Variants in MAPK10 observed in about 807,000 individuals in gnomAD.
MAPK10 encodes the protein JNK3 alpha protein kinase.
Under a neutral mutation model 59.3 loss-of-function variants are expected in MAPK10, and 25 were observed. That is an observed-to-expected ratio of 0.42 (90% CI 0.31 to 0.59). The LOEUF (loss-of-function observed/expected upper bound fraction) is 0.59, where lower values mean the gene tolerates loss of function less well. MAPK10 is among the 20% of genes least tolerant of loss of function. The pLI, the probability that MAPK10 is intolerant of heterozygous loss-of-function variation, is 0.15. For synonymous variants in MAPK10, 190 were observed against 200.5 expected (o/e 0.95, Z 0.44); for missense variants, 351 against 568.9 (o/e 0.62, Z 3.90).
Position 86,216,826 on chromosome 4 carries a change from A to T in MAPK10, c.-6-22419T>A, listed in dbSNP as rs1206538312. 1.3e-5 allele frequency among the ~76,000 whole-genome samples: 2 copies of T among 152,102 alleles called. 1 individual carries two copies. Among genetic ancestry groups the T allele is most frequent in the Non-Finnish European group, 2.9e-5 (2 of 67,964 alleles). On this transcript the variant is annotated intron_variant, in intron 2 of 13. Transcript: ENST00000641462. ...ATCTTTTAAAACAAATATAGTTACA[A>T]ATATAGTTTTAGAAAATATAGATAG...
intron 2 of MAPK10, among the ~76,000 whole-genome samples, chr4:86,223,491 T>C (rs1309149217): frequency 1.3e-5 from 2 of 152,236 alleles, no homozygotes; most frequent in African/African-American, 4.8e-5. Flanking sequence ...TCACAGGGCC[T>C]GAGCCCTCAA....
At chr4:86,314,952 C>T (rs1305133555) in intron 2 of MAPK10, among the ~76,000 whole-genome samples, 16 of 152,038 alleles carry the variant, frequency 1.1e-4, no homozygotes, top group Admixed American at 5.2e-4. Context: ...TTATTTTTAA[C>T]CTATCCCTTA....
chr4:86,015,050 T>G lies in MAPK10; in HGVS notation c.*2178A>C, dbSNP rs919959045. Reference sequence around the variant, plus strand: ...AACAGGAATATGAAAGAGAGGGAGCTCAAGTGACTGAGGAGGCATTTTTAA... The same window carrying G: ...AACAGGAATATGAAAGAGAGGGAGCGCAAGTGACTGAGGAGGCATTTTTAA... On this transcript the variant is annotated 3_prime_UTR_variant, in exon 14 of 14. Coordinates refer to ENST00000641462, the MANE Select transcript of MAPK10 (RefSeq NM_138982.4). The G allele has an allele frequency of 1.4e-5, 2 of 146,784 alleles. No homozygotes were observed. Among genetic ancestry groups the G allele is most frequent in the Non-Finnish European group, 3.0e-5 (2 of 67,100 alleles). 9.1% of individuals were successfully genotyped at this position (146,784 alleles called of 1,614,324 possible). A position where few individuals can be genotyped will look rare whatever the true frequency, so the allele number is the denominator to read the frequency against.
intron 1 of MAPK10, among the ~76,000 whole-genome samples, chr4:86,467,588 T>G (rs1243611943): frequency 6.6e-6 from 1 of 152,084 alleles, no homozygotes. Context: ...GGCGCAATCT[T>G]GGCTCACTGC....
chr4:86,277,697 A>C lies in MAPK10; in HGVS notation c.-7+76833T>G, dbSNP rs892323749. 3.3e-5 allele frequency among the ~76,000 whole-genome samples: 5 copies of C among 152,150 alleles called. No homozygotes were observed. The East Asian group carries it at 9.6e-4, about 29-fold the overall frequency. On this transcript the variant is annotated intron_variant, in intron 2 of 13. Transcript: ENST00000641462. ...CAGTGTTACTTGTTTCTAGTTGATA[A>C]ATCTAAAAGCATTGCCAGGATGGTG...
At chr4:86,120,595 T>G (rs2059076837) in intron 4 of MAPK10, 2 of 152,226 alleles carry the variant, frequency 1.3e-5, no homozygotes. Context: ...TTCATCTCAG[T>G]AAAATGGTAG....
chr4:86,584,755 T>TTATTAA (rs1762545507), intron 1 of MAPK10, among the ~76,000 whole-genome samples: 1 of 152,170 alleles, frequency 6.6e-6, no homozygotes, highest in South Asian at 2.1e-4. Flanking sequence ...TAAATTTGCA[T>TTATTAA]TATTAATGTA....
intron 1 of MAPK10, among the ~76,000 whole-genome samples, chr4:86,372,097 A>G (rs1389197626): frequency 4.6e-5 from 7 of 152,194 alleles, no homozygotes; most frequent in Admixed American, 3.9e-4. Context: ...TCAGCACCAC[A>G]TGATACTTAT....
At chr4:86,236,451 G>T (rs552526828) in intron 2 of MAPK10, among the ~76,000 whole-genome samples, 1 of 152,158 alleles carries the variant, frequency 6.6e-6, no homozygotes, top group African/African-American at 2.4e-5. Context: ...CCTACACTTT[G>T]GTAAATCTGG....
At chr4:86,155,631 G>A (rs371208198) in intron 4 of MAPK10, among the ~76,000 whole-genome samples, 4 of 151,816 alleles carry the variant, frequency 2.6e-5, no homozygotes, top group African/African-American at 9.7e-5. Flanking sequence ...AATTAAGCAC[G>A]GTAGGGGATT....
At chr4:86,329,998 G>C (rs1204888313) in intron 2 of MAPK10, among the ~76,000 whole-genome samples, 1 of 152,088 alleles carries the variant, frequency 6.6e-6, no homozygotes, top group African/African-American at 2.4e-5. Context: ...CCTAATTCAG[G>C]AAAGTTCAGT....
At position 86,485,034 on chromosome 4, in the gene MAPK10, G is replaced by C. The variant is rs185372107; in HGVS notation, c.-263+108876C>G. Among the ~76,000 whole-genome samples the C allele has an allele frequency of 2.2e-4, 33 of 152,324 alleles. 1 individual carries two copies. In the East Asian group the frequency reaches 6.2e-3, roughly 29 times the overall value. On this transcript the variant is annotated intron_variant, in intron 1 of 4. Coordinates refer to the MAPK10 transcript ENST00000502302. ...CAGATAAGAGATATTTACAAGGTCG[G>C]ATGAATAGGACTAGGTGGCAGATTA...
At chr4:86,123,020 T>G (rs2059508752) in intron 4 of MAPK10, among the ~76,000 whole-genome samples, 1 of 152,088 alleles carries the variant, frequency 6.6e-6, no homozygotes, top group African/African-American at 2.4e-5. Context: ...ATCCTGTTCA[T>G]AGCTGTTATA....
At chr4:86,268,858 G>A (rs895575031) in intron 2 of MAPK10, among the ~76,000 whole-genome samples, 1 of 152,050 alleles carries the variant, frequency 6.6e-6, no homozygotes, top group Non-Finnish European at 1.5e-5. Flanking sequence ...ATGAATAAGT[G>A]AATGAATAAA....
At chr4:86,398,240 A>G (rs552883706) in intron 1 of MAPK10, among the ~76,000 whole-genome samples, 1 of 152,216 alleles carries the variant, frequency 6.6e-6, no homozygotes, top group Non-Finnish European at 1.5e-5. Context: ...AAAAAAAAGA[A>G]AAGAAAAGAA....
chr4:86,259,156 T>C (rs879424495), intron 2 of MAPK10, among the ~76,000 whole-genome samples: 2 of 152,098 alleles, frequency 1.3e-5, no homozygotes, highest in African/African-American at 4.8e-5. Context: ...ACTTCTAATG[T>C]TCCCCAAGTT....
At chr4:86,229,379 G>T (rs1339672670) in intron 2 of MAPK10, among the ~76,000 whole-genome samples, 1 of 152,100 alleles carries the variant, frequency 6.6e-6, no homozygotes, top group Admixed American at 6.5e-5. Context: ...TATGTGTGGG[G>T]TCATTAAGAT....
At chr4:86,068,559 C>A (rs754393851) in intron 9 of MAPK10, among the ~76,000 whole-genome samples, 9 of 152,002 alleles carry the variant, frequency 5.9e-5, no homozygotes, top group Non-Finnish European at 1.3e-4. Context: ...AACAAAGAAG[C>A]CACCTATTTC....
chr4:86,213,828 C>T (rs565415006), intron 2 of MAPK10, among the ~76,000 whole-genome samples: 1 of 152,082 alleles, frequency 6.6e-6, no homozygotes, highest in South Asian at 2.1e-4. Flanking sequence ...TCAAACTTTC[C>T]CTAAAAATTG....
Sources: allele counts gnomAD v4.1 joint callset (sites outside exome capture counted in the v4.1 genomes callset), GRCh38; gene constraint gnomAD v4.1.1; transcripts MANE v1.5; gene names NCBI Gene and HGNC (gene_info 2026-07-23, HGNC 2026-07-21).